The following LINGO2 variants were observed in gnomAD, a reference collection of about 807,000 sequenced individuals.
The protein encoded by LINGO2 is leucine-rich repeat and immunoglobulin-like domain-containing nogo receptor-interacting protein 2.
In LINGO2, 14 loss-of-function variants were observed where a neutral mutation model predicts 30.6. The observed-to-expected ratio is 0.46, with a 90% CI of 0.30 to 0.72. LINGO2 has a LOEUF of 0.72. Ranked by LOEUF, LINGO2 falls within the 30% of genes least tolerant of loss-of-function variation. The pLI, the probability that LINGO2 is intolerant of heterozygous loss-of-function variation, is 0.07. For missense variants in LINGO2, 729 were observed against 751.7 expected, an observed-to-expected ratio of 0.97 and a Z score of 0.35; for synonymous variants, 317 against 288.5, an observed-to-expected ratio of 1.10 and a Z score of -1.00.
intron 4 of LINGO2, among the ~76,000 whole-genome samples, chr9:28,016,251 C>CTA (rs1822830140): frequency 6.6e-6 from 1 of 152,026 alleles, no homozygotes; most frequent in South Asian, 2.1e-4. Context: ...TGGCAGTGGC[C>CTA]TATGTGGGAC....
the LINGO2 span, among the ~76,000 whole-genome samples, chr9:28,796,702 A>G: frequency 6.6e-6 from 1 of 152,054 alleles, no homozygotes; most frequent in Non-Finnish European, 1.5e-5. Flanking sequence ...AGGATTCTAA[A>G]TTTTAAAGAT....
At chr9:29,151,190 C>A in the LINGO2 span, among the ~76,000 whole-genome samples, 4 of 151,914 alleles carry the variant, frequency 2.6e-5, no homozygotes, top group Non-Finnish European at 5.9e-5. Flanking sequence ...AGGAGAAGAT[C>A]TTTCTTGGAT....
At chr9:28,484,896 G>A (rs539258622) in intron 1 of LINGO2, among the ~76,000 whole-genome samples, 6 of 152,168 alleles carry the variant, frequency 3.9e-5, no homozygotes, top group Admixed American at 6.6e-5. Context: ...TCAATTGTCT[G>A]TTAAGTCTCC....
chr9:28,729,925 T>C, the LINGO2 span, among the ~76,000 whole-genome samples: 1 of 152,030 alleles, frequency 6.6e-6, no homozygotes, highest in South Asian at 2.1e-4. Flanking sequence ...TAGAATAATA[T>C]TCCATAAATA....
chr9:28,506,923 A>G (rs530365057), intron 1 of LINGO2, among the ~76,000 whole-genome samples: 4 of 152,002 alleles, frequency 2.6e-5, no homozygotes, highest in African/African-American at 9.7e-5. Context: ...ATTAAATTTT[A>G]TTTATTTTCC....
At chr9:28,425,687 A>G (rs575584981) in intron 2 of LINGO2, among the ~76,000 whole-genome samples, 3 of 152,130 alleles carry the variant, frequency 2.0e-5, no homozygotes, top group African/African-American at 7.2e-5. Context: ...ACATTTTAAA[A>G]TTAAGAACAA....
chr9:28,090,988 C>T (rs577320773), intron 4 of LINGO2, among the ~76,000 whole-genome samples: 1 of 152,208 alleles, frequency 6.6e-6, no homozygotes, highest in East Asian at 1.9e-4. Flanking sequence ...GATAAAATAC[C>T]TAGGAATCCA....
intron 1 of LINGO2, among the ~76,000 whole-genome samples, chr9:28,562,097 AACT>A (rs1195551033): frequency 2.0e-5 from 3 of 151,978 alleles, no homozygotes; most frequent in African/African-American, 4.8e-5. Flanking sequence ...GATTGCAGGG[AACT>A]ACAAGAAGGG....
intron 4 of LINGO2, among the ~76,000 whole-genome samples, chr9:28,091,368 T>A (rs548860992): frequency 6.6e-6 from 1 of 151,934 alleles, no homozygotes; most frequent in East Asian, 1.9e-4. Flanking sequence ...AAAACAGAGA[T>A]GTAGACCAAT....
In LINGO2 at chr9:28,049,613, AATCTT is replaced by A. The variant is rs1406785603; in HGVS notation, c.-86-37213_-86-37209del. Among the ~76,000 whole-genome samples the A allele has an allele frequency of 2.2e-4, 33 of 150,832 alleles. 2 individuals carry two copies. Among genetic ancestry groups the A allele is most frequent in the African/African-American group, 7.8e-4 (32 of 40,880 alleles). On this transcript the variant is annotated intron_variant, in intron 4 of 5. Transcript: ENST00000379992. ...TTACCGCTTATTAGCTTATTATTCA[AATCTT>A]ATCTAAAAATGCAAATAATTCCATT...
the LINGO2 span, among the ~76,000 whole-genome samples, chr9:28,776,666 AG>A: frequency 1.3e-5 from 2 of 152,174 alleles, no homozygotes; most frequent in Non-Finnish European, 2.9e-5. Context: ...TGTTAAGCAC[AG>A]AAAATACAAT....
At position 28,318,150 on chromosome 9, in the gene LINGO2, C is replaced by T. The variant is rs988839263; in HGVS notation, c.-245-22784G>A. The stretch of plus-strand genomic sequence containing the variant: ...CAATTGGACTAATTTGCTTCACAAT[C>T]GGAACAAGAATGACTCAAAGCACTT... On this transcript the variant is annotated intron_variant, in intron 3 of 5. Transcript: ENST00000379992. 5.9e-5 allele frequency among the ~76,000 whole-genome samples: 9 copies of T among 152,210 alleles called. No homozygotes were observed. The East Asian group carries it at 1.2e-3, about 20-fold the overall frequency.
chr9:29,177,833 T>C, the LINGO2 span, among the ~76,000 whole-genome samples: 1 of 152,124 alleles, frequency 6.6e-6, no homozygotes, highest in Non-Finnish European at 1.5e-5. Flanking sequence ...CCAAATTCTC[T>C]GACAGAGGAA....
chr9:28,959,502 C>T, the LINGO2 span, among the ~76,000 whole-genome samples: 1 of 151,694 alleles, frequency 6.6e-6, no homozygotes, highest in African/African-American at 2.4e-5. Flanking sequence ...TATAGGATCA[C>T]CAAGGAGCAA....
chr9:28,077,565 T>TGGAGAATCTAGCACTTGAATATAAACATG (rs1563961000), intron 4 of LINGO2, among the ~76,000 whole-genome samples: 1 of 149,902 alleles, frequency 6.7e-6, no homozygotes, highest in African/African-American at 2.5e-5. Context: ...GCATCAAAAC[T>TGGAGAATCTAGCACTTGAATATAAACATG]ATTATCTTAT....
chr9:28,179,636 T>TAC (rs1828855971), intron 4 of LINGO2, among the ~76,000 whole-genome samples: 1 of 142,750 alleles, frequency 7.0e-6, no homozygotes, highest in African/African-American at 2.5e-5. Flanking sequence ...TATTTTATAC[T>TAC]ATATATACTG....
At chr9:28,327,654 G>GT (rs1825278060) in intron 3 of LINGO2, among the ~76,000 whole-genome samples, 1 of 152,104 alleles carries the variant, frequency 6.6e-6, no homozygotes, top group Admixed American at 6.5e-5. Flanking sequence ...AAGCACACTT[G>GT]TTTTTGTCAT....
chr9:29,170,399 G>T, the LINGO2 span, among the ~76,000 whole-genome samples: 2 of 151,958 alleles, frequency 1.3e-5, no homozygotes, highest in African/African-American at 4.8e-5. Context: ...CTAAACAATG[G>T]GTACACATGA....
At chr9:29,160,970 G>A in the LINGO2 span, among the ~76,000 whole-genome samples, 1 of 152,222 alleles carries the variant, frequency 6.6e-6, no homozygotes. Flanking sequence ...TGTGCACAGG[G>A]CTCAGTTCAG....
Sources: gnomAD v4.1 joint callset for allele counts (sites outside exome capture counted in the v4.1 genomes callset) on GRCh38, gnomAD v4.1.1 for gene constraint, MANE v1.5 for transcripts, NCBI Gene and HGNC (gene_info 2026-07-23, HGNC 2026-07-21) for gene names.